Variants in CDC25C observed in about 807,000 individuals in gnomAD.
CDC25C encodes the protein M-phase inducer phosphatase 3.
CDC25C carries 48 observed loss-of-function variants against 52.5 expected under a neutral mutation model. The observed-to-expected ratio is 0.91, with a 90% CI of 0.72 to 1.16. The LOEUF is 1.16. CDC25C is among the 50% of genes most tolerant of loss of function. The pLI is 0.00. For missense variants in CDC25C, 510 were observed against 566.1 expected (o/e 0.90, Z 1.01); for synonymous variants, 187 against 206.5 (o/e 0.91, Z 0.81).
rs1241215951 is a variant in CDC25C, at chr5:138,285,526, G to C, written c.*166C>G. The C allele has an allele frequency of 1.6e-5, 11 of 695,364 alleles. No individual in the cohort carries two copies. The highest frequency in any genetic ancestry group is 2.5e-5 in the Non-Finnish European group (10 of 404,360). The allele number at this position is 695,364 out of a possible 1,614,324, so 43.1% of individuals were successfully genotyped here. On this transcript the variant is annotated 3_prime_UTR_variant, in exon 14 of 14. Transcript: ENST00000323760. ...GACTCTGCCACCAGCTTTCAGCTCT[G>C]CTGAAACCTAATCCATTCCCAGGCC...
intron 7 of CDC25C, among the ~76,000 whole-genome samples, chr5:138,304,568 C>T (rs1282106902): frequency 3.3e-5 from 5 of 149,526 alleles, no homozygotes; most frequent in East Asian, 2.0e-4. Context: ...TGCAGTGGCA[C>T]GATCATGGCT....
intron 6 of CDC25C, 65 bp downstream of exon 6, chr5:138,325,750 A>G: frequency 9.0e-7 from 1 of 1,106,582 alleles, no homozygotes; most frequent in South Asian, 1.3e-5. Context: ...TCTCATTATG[A>G]TACCAAGTTT....
chr5:138,287,283 G>A lies in CDC25C; in HGVS notation c.928-16C>T. ...AGGCAGCCACCTGGACAGAAACAAT[G>A]ACTGAATATTCTGCTCACTGCCACT... On this transcript the variant is annotated splice_polypyrimidine_tract_variant and intron_variant, in intron 10 of 13. Coordinates refer to ENST00000323760, the MANE Select transcript of CDC25C (RefSeq NM_001790.5). The A allele has an allele frequency of 6.3e-7, 1 of 1,581,972 alleles. No homozygotes were observed. The highest frequency in any genetic ancestry group is 8.7e-7 in the Non-Finnish European group (1 of 1,151,118).
In CDC25C at chr5:138,328,019, A is replaced by G. The variant is rs543694495; in HGVS notation, c.335+465T>C. ...GTAGCTGCGATTACAGGCATGTGCC[A>G]CCACATCCAGCTAATTTTTGTATTT... On this transcript the variant is annotated intron_variant, in intron 4 of 13. Coordinates refer to ENST00000323760, the MANE Select transcript of CDC25C (RefSeq NM_001790.5). Among the ~76,000 whole-genome samples, 11 of 152,330 alleles carry G rather than the reference A, an allele frequency of 7.2e-5. No homozygotes were observed. In the East Asian group the frequency reaches 1.9e-3, roughly 27 times the overall value.
At chr5:138,332,834 A>C (rs1760493355), upstream of CDC25C, among the ~76,000 whole-genome samples, 1 of 152,214 alleles carries the variant, frequency 6.6e-6, no homozygotes, top group Non-Finnish European at 1.5e-5. Context: ...TGGGCATTAG[A>C]GTGAAACAAA....
At chr5:138,286,402 A>T in intron 12 of CDC25C, 95 bp downstream of exon 12, 9 of 1,309,726 alleles carry the variant, frequency 6.9e-6, no homozygotes, top group Non-Finnish European at 9.5e-6. Flanking sequence ...CATTCTTCAA[A>T]CTGTAGAATC....
At chr5:138,303,341 T>C (rs1375603010) in intron 7 of CDC25C, among the ~76,000 whole-genome samples, 1 of 152,044 alleles carries the variant, frequency 6.6e-6, no homozygotes, top group Admixed American at 6.6e-5. Context: ...AATATAGGAG[T>C]GGGGAAATAC....
rs1756323038 is a variant in CDC25C at position 138,287,212 on chromosome 5, A to G, written c.983T>C (p.Ile328Thr). The G allele has an allele frequency of 1.9e-6, 3 of 1,614,110 alleles. No individual in the cohort carries two copies. The highest frequency in any genetic ancestry group is 2.5e-6 in the Non-Finnish European group (3 of 1,179,976). ...FQGLIEKFYV[I>T]DCRYPYEYLG... The stretch of plus-strand genomic sequence containing the variant: ...ATACTCATATGGATAGCGACAATCA[A>G]TGACATAAAACTTCTCAATCAGACC... Residue 328 changes from isoleucine to threonine, a missense_variant, in exon 11 of 14, where the codon ATT becomes ACT. By Grantham distance (89) the Ile-to-Thr change is moderately conservative. Transcript: ENST00000323760.
Position 138,285,595 on chromosome 5 carries a change from A to C in CDC25C, c.*97T>G, listed in dbSNP as rs1166328398. 9 of 1,114,836 alleles carry C rather than the reference A, an allele frequency of 8.1e-6. No homozygotes were observed. In the Admixed American group the frequency reaches 1.0e-4, roughly 13 times the overall value. The allele number at this position is 1,114,836 out of a possible 1,614,324, so 69.1% of individuals were successfully genotyped here. ...CTGTTGGTTTGCAGAGACATCTTTT[A>C]ATAATCTTGGGTTTGGCCATCCAGA... On this transcript the variant is annotated 3_prime_UTR_variant, in exon 14 of 14. Coordinates refer to ENST00000323760, the MANE Select transcript of CDC25C (RefSeq NM_001790.5).
intron 7 of CDC25C, among the ~76,000 whole-genome samples, chr5:138,293,393 C>G (rs1296613384): frequency 6.6e-6 from 1 of 152,144 alleles, no homozygotes; most frequent in Non-Finnish European, 1.5e-5. Context: ...GAGATACAGT[C>G]AAGGCCACGA....
intron 3 of CDC25C, among the ~76,000 whole-genome samples, chr5:138,329,127 T>A (rs1359349126): frequency 6.6e-6 from 1 of 152,102 alleles, no homozygotes; most frequent in Non-Finnish European, 1.5e-5. Flanking sequence ...ATGGTCTCGA[T>A]CTCTTGACCT....
intron 7 of CDC25C, among the ~76,000 whole-genome samples, chr5:138,318,559 CT>C (rs1423243392): frequency 6.6e-6 from 1 of 151,870 alleles, no homozygotes; most frequent in East Asian, 1.9e-4. Context: ...ACTAAAAATA[CT>C]AAAAATTACC....
chr5:138,325,946 C>A, intron 5 of CDC25C, 42 bp from the exon 6 acceptor site: 1 of 1,610,848 alleles, frequency 6.2e-7, no homozygotes. Flanking sequence ...CATCCTCAAG[C>A]CACAGGTGCA....
intron 7 of CDC25C, among the ~76,000 whole-genome samples, chr5:138,296,602 T>C (rs1757200306): frequency 6.9e-6 from 1 of 145,110 alleles, no homozygotes; most frequent in African/African-American, 2.5e-5. Context: ...TTTATTATTA[T>C]TAATTATTTT....
chr5:138,331,156 T>G lies in CDC25C; in HGVS notation c.25A>C (p.Thr9Pro), dbSNP rs1257271744. ...GAGCCAGAGCTTCCTTCCTCTCTTGTGGATGAGAAGAGTTCCGTAGACATG... is the reference window on the plus strand; with the variant it reads ...GAGCCAGAGCTTCCTTCCTCTCTTGGGGATGAGAAGAGTTCCGTAGACATG... MSTELFSS[T>P]REEGSSGSGP... Residue 9 changes from threonine to proline, a missense_variant, in exon 2 of 14, where the codon ACA (threonine) becomes CCA (proline). Thr to Pro is a conservative substitution (Grantham distance 38). Transcript: ENST00000323760. 1 of 1,614,036 alleles carries G rather than the reference T, an allele frequency of 6.2e-7. No individual in the cohort carries two copies. The highest frequency in any genetic ancestry group is 1.1e-5 in the South Asian group (1 of 91,094).
exon 1 of CDC25C, chr5:138,338,288 T>G (rs1026018407): frequency 2.5e-6 from 2 of 815,732 alleles, no homozygotes; most frequent in Non-Finnish European, 3.6e-6. Context: ...GCCGCGGCCC[T>G]GGGAGCTGGA....
chr5:138,310,148 C>T (rs968111401), intron 7 of CDC25C, among the ~76,000 whole-genome samples: 2 of 152,198 alleles, frequency 1.3e-5, no homozygotes, highest in African/African-American at 4.8e-5. Context: ...TTTTCTGCTG[C>T]CTTCACCATA....
intron 7 of CDC25C, among the ~76,000 whole-genome samples, chr5:138,300,149 A>C (rs1757525905): frequency 6.6e-6 from 1 of 152,178 alleles, no homozygotes; most frequent in African/African-American, 2.4e-5. Flanking sequence ...CGACATAGTG[A>C]GGCACCGCCC....
intron 7 of CDC25C, among the ~76,000 whole-genome samples, chr5:138,298,479 C>T (rs2126695703): frequency 6.6e-6 from 1 of 152,268 alleles, no homozygotes; most frequent in Non-Finnish European, 1.5e-5. Flanking sequence ...TCGCCAGGCG[C>T]AGTGGCTCAA....
Sources: gnomAD v4.1 joint callset for allele counts (sites outside exome capture counted in the v4.1 genomes callset) on GRCh38, gnomAD v4.1.1 for gene constraint, MANE v1.5 for transcripts, NCBI Gene and HGNC (gene_info 2026-07-23, HGNC 2026-07-21) for gene names.